SPOCK1: variants seen among roughly 807,000 people sequenced by gnomAD.
SPOCK1 encodes the protein testican-1.
A neutral mutation model predicts 55.3 loss-of-function variants in SPOCK1; 23 were observed. The observed-to-expected ratio is 0.42, with a 90% CI of 0.30 to 0.59. The LOEUF is 0.59. Ranked by LOEUF, SPOCK1 falls within the 20% of genes least tolerant of loss-of-function variation. The pLI is 0.22. For missense variants in SPOCK1, 499 were observed against 552.5 expected (o/e 0.90, Z 0.97); for synonymous variants, 226 against 221.0 (o/e 1.02, Z -0.20).
At chr5:137,299,638 A>G (rs1256850525) in intron 2 of SPOCK1, among the ~76,000 whole-genome samples, 1 of 152,064 alleles carries the variant, frequency 6.6e-6, no homozygotes, top group Non-Finnish European at 1.5e-5. Flanking sequence ...TTCATTTTTG[A>G]TGAATATTTT....
chr5:137,018,384 T>C (rs555417022), intron 6 of SPOCK1, among the ~76,000 whole-genome samples: 1 of 152,222 alleles, frequency 6.6e-6, no homozygotes, highest in Admixed American at 6.5e-5. Flanking sequence ...TAATTCCTAC[T>C]ATAATACGTA....
intron 5 of SPOCK1, among the ~76,000 whole-genome samples, chr5:137,072,685 C>T (rs991425370): frequency 1.3e-5 from 2 of 152,200 alleles, no homozygotes; most frequent in African/African-American, 2.4e-5. Flanking sequence ...AGGTCTCAAC[C>T]GAGTACATTT....
chr5:137,059,273 T>C (rs1752353193), intron 6 of SPOCK1, among the ~76,000 whole-genome samples: 2 of 152,216 alleles, frequency 1.3e-5, no homozygotes, highest in South Asian at 4.1e-4. Context: ...AATACACACA[T>C]ATCTAGATAG....
chr5:137,430,128 TA>T (rs1247587443), intron 2 of SPOCK1, among the ~76,000 whole-genome samples: 2 of 152,230 alleles, frequency 1.3e-5, no homozygotes, highest in Non-Finnish European at 1.5e-5. Flanking sequence ...ATACTAATCT[TA>T]CTACACAGAG....
chr5:137,142,171 G>A (rs1247059285), intron 3 of SPOCK1, among the ~76,000 whole-genome samples: 1 of 152,164 alleles, frequency 6.6e-6, no homozygotes. Context: ...GGCATCCTGA[G>A]CAGGTATAGC....
chr5:137,210,812 T>C lies in SPOCK1; in HGVS notation c.232+56198A>G, dbSNP rs548469774. Among the ~76,000 whole-genome samples the C allele has an allele frequency of 4.6e-5, 7 of 152,368 alleles. No homozygotes were observed. In the South Asian group the frequency reaches 6.2e-4, roughly 14 times the overall value. ...TTGTATTCTCCCTAGTCCGGCTTTA[T>C]GCCAGTTAGGGAAGAGAGATATCTA... On this transcript the variant is annotated intron_variant, in intron 3 of 10. Coordinates refer to ENST00000394945, the MANE Select transcript of SPOCK1 (RefSeq NM_004598.4).
chr5:137,040,156 G>A (rs1303367856), intron 6 of SPOCK1, among the ~76,000 whole-genome samples: 2 of 152,196 alleles, frequency 1.3e-5, no homozygotes, highest in Admixed American at 6.5e-5. Flanking sequence ...GCAGAGACTG[G>A]GCTCTGAGCC....
Position 137,458,358 on chromosome 5 carries a change from C to T in SPOCK1, c.186+40015G>A, listed in dbSNP as rs544349335. Among the ~76,000 whole-genome samples the T allele has an allele frequency of 2.0e-5, 3 of 152,150 alleles. No homozygotes were observed. In the South Asian group the frequency reaches 6.2e-4, roughly 31 times the overall value. On this transcript the variant is annotated intron_variant, in intron 2 of 10. Transcript: ENST00000394945. ...CAAAAGAAAAAGCCAAGAGTTGACA[C>T]TATTTTCTAAATTTTCTACAATAAA...
chr5:137,152,438 T>A (rs1201868187), intron 3 of SPOCK1, among the ~76,000 whole-genome samples: 2 of 152,268 alleles, frequency 1.3e-5, no homozygotes. Flanking sequence ...TGGAAGACAG[T>A]TGCAACAATA....
chr5:137,398,651 C>T (rs554382609), intron 2 of SPOCK1, among the ~76,000 whole-genome samples: 3 of 152,260 alleles, frequency 2.0e-5, no homozygotes, highest in East Asian at 3.9e-4. Flanking sequence ...TAAACAAATA[C>T]TCAACAAATC....
intron 2 of SPOCK1, among the ~76,000 whole-genome samples, chr5:137,301,643 T>TC (rs1197163125): frequency 6.7e-6 from 1 of 150,006 alleles, no homozygotes; most frequent in Non-Finnish European, 1.5e-5. Flanking sequence ...CTCCTTTTTT[T>TC]TTTTTTTTTT....
At chr5:137,401,558 CAAAAAAAAAAAA>C (rs34044799) in intron 2 of SPOCK1, among the ~76,000 whole-genome samples, 2 of 100,452 alleles carry the variant, frequency 2.0e-5, no homozygotes, top group African/African-American at 7.5e-5. Flanking sequence ...CTCATCTCTA[CAAAAAAAAAAAA>C]AAAAAAAAAT....
At chr5:136,985,690 A>G (rs1750826816) in intron 8 of SPOCK1, among the ~76,000 whole-genome samples, 1 of 152,164 alleles carries the variant, frequency 6.6e-6, no homozygotes, top group Admixed American at 6.5e-5. Flanking sequence ...TTTGAGGGAC[A>G]ACTATGAAGA....
At chr5:137,324,826 G>T (rs1758046166) in intron 2 of SPOCK1, among the ~76,000 whole-genome samples, 1 of 151,792 alleles carries the variant, frequency 6.6e-6, no homozygotes, top group African/African-American at 2.4e-5. Context: ...GTACAAGCTG[G>T]AAATCTCCAA....
intron 3 of SPOCK1, among the ~76,000 whole-genome samples, chr5:137,186,178 T>C (rs930780760): frequency 5.3e-5 from 8 of 152,346 alleles, no homozygotes; most frequent in Middle Eastern, 3.4e-3. Context: ...TCAGATATTT[T>C]CCTCTCTCAT....
At chr5:137,242,748 A>C (rs553940564) in intron 3 of SPOCK1, among the ~76,000 whole-genome samples, 5 of 152,234 alleles carry the variant, frequency 3.3e-5, no homozygotes, top group Admixed American at 6.5e-5. Context: ...CCCAACCCCC[A>C]AAAAAACCAT....
At chr5:137,314,732 A>G (rs1757846784) in intron 2 of SPOCK1, among the ~76,000 whole-genome samples, 1 of 152,126 alleles carries the variant, frequency 6.6e-6, no homozygotes, top group Non-Finnish European at 1.5e-5. Context: ...ATCCTGCCAT[A>G]TTTAAAGGTT....
intron 2 of SPOCK1, among the ~76,000 whole-genome samples, chr5:137,490,165 G>A (rs944984497): frequency 1.3e-5 from 2 of 152,188 alleles, no homozygotes; most frequent in African/African-American, 4.8e-5. Flanking sequence ...TTAACTATTT[G>A]TTATTGCTGG....
At chr5:137,256,000 C>A (rs1283611665) in intron 3 of SPOCK1, among the ~76,000 whole-genome samples, 3 of 152,214 alleles carry the variant, frequency 2.0e-5, no homozygotes, top group Non-Finnish European at 2.9e-5. Context: ...TTCCTCCTGG[C>A]CAGGCTGCCA....
Sources: gnomAD v4.1 joint callset for allele counts (sites outside exome capture counted in the v4.1 genomes callset) on GRCh38, gnomAD v4.1.1 for gene constraint, MANE v1.5 for transcripts, NCBI Gene and HGNC (gene_info 2026-07-23, HGNC 2026-07-21) for gene names.